The following ITSN2 variants were observed in gnomAD, a reference collection of about 807,000 sequenced individuals.
ITSN2 encodes intersectin-2.
ITSN2 carries 156 observed loss-of-function variants against 243.7 expected under a neutral mutation model. The observed-to-expected ratio is 0.64, with a 90% CI of 0.56 to 0.73. The LOEUF (loss-of-function observed/expected upper bound fraction) is 0.73, where lower values mean the gene tolerates loss of function less well. ITSN2 is among the 30% of genes least tolerant of loss of function. ITSN2 has a pLI of 0.00. For synonymous variants in ITSN2, 703 were observed against 699.9 expected (o/e 1.00, Z -0.07); for missense variants, 1,801 against 1,996.1 (o/e 0.90, Z 1.86).
At chr2:24,264,788 C>T (rs1676452350) in intron 20 of ITSN2, among the ~76,000 whole-genome samples, 1 of 152,338 alleles carries the variant, frequency 6.6e-6, no homozygotes, top group South Asian at 2.1e-4. Flanking sequence ...TGTCTAGATG[C>T]TAATATCACA....
At chr2:24,252,588 C>T (rs1674487318) in intron 24 of ITSN2, 77 bp from the exon 25 acceptor site, 1 of 1,063,112 alleles carries the variant, frequency 9.4e-7, no homozygotes, top group Non-Finnish European at 1.3e-6. Flanking sequence ...GGTTATTCTC[C>T]AAGACATTGT....
Position 24,313,528 on chromosome 2 carries a change from AG to A in ITSN2, c.125-6del. 6.2e-7 allele frequency: 1 copy of A among 1,611,676 alleles called. No individual in the cohort carries two copies. Among genetic ancestry groups the A allele is most frequent in the Non-Finnish European group, 8.5e-7 (1 of 1,178,712 alleles). ...AAAAATTACGTGCTTGATCACCTGG[AG>A]GTAATAAAAACAAAACCCAAGCAGC... On this transcript the variant is annotated splice_region_variant and splice_polypyrimidine_tract_variant and intron_variant, in intron 3 of 39. Coordinates refer to ENST00000355123, the MANE Select transcript of ITSN2 (RefSeq NM_006277.3).
intron 22 of ITSN2, among the ~76,000 whole-genome samples, chr2:24,260,645 C>T (rs149918952): frequency 0.019 from 2,843 of 152,238 alleles, 39 homozygotes; most frequent in Non-Finnish European, 0.03. Context: ...CAGTGGCTCA[C>T]GCCTGTAATC....
intron 4 of ITSN2, among the ~76,000 whole-genome samples, chr2:24,313,063 C>CA (rs1312692137): frequency 1.4e-5 from 2 of 147,756 alleles, no homozygotes; most frequent in African/African-American, 5.0e-5. Context: ...ATTTATTTTC[C>CA]AAAAAACTGA....
Position 24,204,442 on chromosome 2 carries a change from AC to A in ITSN2, c.4763-25del. 6.2e-7 allele frequency: 1 copy of A among 1,606,034 alleles called. No homozygotes were observed. The highest frequency in any genetic ancestry group is 8.5e-7 in the Non-Finnish European group (1 of 1,172,630). ...TCCTGAACAAAAACAAACCACAGAC[AC>A]ATGTGGTGCATGCAGGTAAAACGAA... On this transcript the variant is annotated intron_variant, in intron 38 of 39. Transcript: ENST00000355123. The surrounding 1 kb of genome is among the most constrained non-coding windows in gnomAD (Gnocchi z 5.1).
At chr2:24,241,733 A>G (rs1227504549) in intron 29 of ITSN2, 2 of 152,648 alleles carry the variant, frequency 1.3e-5, no homozygotes, top group Non-Finnish European at 2.9e-5. Flanking sequence ...GATTAGGATT[A>G]GATCAAACAT....
intron 29 of ITSN2, among the ~76,000 whole-genome samples, chr2:24,238,589 A>C (rs1425227949): frequency 6.6e-6 from 1 of 152,214 alleles, no homozygotes; most frequent in African/African-American, 2.4e-5. Context: ...TTAATTTGTA[A>C]GTTCCATCCA....
chr2:24,301,217 T>G lies in ITSN2; in HGVS notation c.1018A>C (p.Ile340Leu). The G allele has an allele frequency of 5.6e-6, 9 of 1,608,060 alleles. No homozygotes were observed. The highest frequency in any genetic ancestry group is 7.6e-6 in the Non-Finnish European group (9 of 1,176,642). The change falls in exon 11 of 40, where the codon ATT (isoleucine) becomes CTT (leucine). Residue 340 changes from isoleucine (I) to leucine (L), a missense_variant. By Grantham distance (5) the Ile-to-Leu change is conservative. Around this residue, in one of 5 missense-constraint regions of ITSN2, gnomAD observed 787 missense variants for 803.9 expected, o/e 0.98. Transcript: ENST00000355123. ...TGATATGAAGGCAGAGTTCCATTAA[T>G]GGAATCAATTTGCTTTCCTCCTCTA... ...SFRGGKQIDS[I>L]NGTLPSYQKM...
At position 24,246,284 on chromosome 2, in the gene ITSN2, T is replaced by C. The variant is rs755428344; in HGVS notation, c.3422A>G (p.Asn1141Ser). 1.9e-6 allele frequency: 3 copies of C among 1,612,194 alleles called. No individual in the cohort carries two copies. The highest frequency in any genetic ancestry group is 3.3e-5 in the Admixed American group (2 of 59,922). ...GGAGAAACTGAGCTCATCTTCATTA[T>C]TTGCTGCATAGTCATACATAGCAAT... The part of the protein sequence containing the change: ...QVIAMYDYAA[N>S]NEDELSFSKG... The change falls in exon 29 of 40, where the codon AAT becomes AGT. Residue 1141 changes from asparagine (N) to serine (S), a missense_variant. By Grantham distance (46) the Asn-to-Ser change is conservative. Transcript: ENST00000355123.
intron 8 of ITSN2, among the ~76,000 whole-genome samples, chr2:24,306,657 T>A (rs1222194874): frequency 1.3e-5 from 2 of 152,180 alleles, no homozygotes; most frequent in Non-Finnish European, 2.9e-5. Flanking sequence ...TCAACTTTTG[T>A]TCAGTTGAAA....
Position 24,312,249 on chromosome 2 carries a change from T to C in ITSN2, c.315A>G (p.Gln105=), listed in dbSNP as rs1683340646. 2.5e-6 allele frequency: 4 copies of C among 1,612,208 alleles called. No individual in the cohort carries two copies. Among genetic ancestry groups the C allele is most frequent in the Admixed American group, 1.7e-5 (1 of 59,826 alleles). The change falls in exon 5 of 40, where the codon CAA becomes CAG. Residue 105 remains glutamine, a synonymous_variant. Coordinates refer to ENST00000355123, the MANE Select transcript of ITSN2 (RefSeq NM_006277.3). ...LPVVLPPIMK[Q]PPMFSPLISA... ...AAATTAATGGAGAAAACATAGGGGG[T>C]TGCTTCATAATAGGAGGGAGAACCA...
chr2:24,301,310 C>T, intron 10 of ITSN2, 71 bp from the exon 11 acceptor site: 3 of 826,620 alleles, frequency 3.6e-6, no homozygotes, highest in Non-Finnish European at 5.9e-6. Flanking sequence ...CACAGACTAC[C>T]AGTGATTATG....
In ITSN2 at chr2:24,302,073, T is replaced by C. The variant is rs1328779225; in HGVS notation, c.887A>G (p.Gln296Arg). The stretch of plus-strand genomic sequence containing the variant: ...AAGAATAAACTCTTCTGCTTTTAGC[T>C]GTCCATCACCATCAACGTCAGCCAG... ...WTLADVDGDGQLKAEEFILAM... is the reference protein window; with the variant it reads ...WTLADVDGDGRLKAEEFILAM... Residue 296 changes from glutamine (Q) to arginine (R), a missense_variant, in exon 10 of 40, where the codon CAG becomes CGG. Around this residue, in one of 5 missense-constraint regions of ITSN2, gnomAD observed 787 missense variants for 803.9 expected, o/e 0.98. Coordinates refer to ENST00000355123, the MANE Select transcript of ITSN2 (RefSeq NM_006277.3). 1.9e-6 allele frequency: 3 copies of C among 1,610,936 alleles called. No individual in the cohort carries two copies. Among genetic ancestry groups the C allele is most frequent in the Admixed American group, 1.7e-5 (1 of 59,726 alleles).
intron 1 of ITSN2, among the ~76,000 whole-genome samples, chr2:24,348,569 C>G (rs941009745): frequency 2.0e-5 from 3 of 152,074 alleles, no homozygotes; most frequent in African/African-American, 7.2e-5. Flanking sequence ...ACTGAAATTA[C>G]CATTTCATCT....
chr2:24,209,858 A>T lies in ITSN2; in HGVS notation c.4433T>A (p.Phe1478Tyr). 1 of 1,614,190 alleles carries T rather than the reference A, an allele frequency of 6.2e-7. No homozygotes were observed. The highest frequency in any genetic ancestry group is 8.5e-7 in the Non-Finnish European group (1 of 1,180,000). The part of the protein sequence containing the change: ...FAVSSGSEKL[F>Y]SSKSNAQFKM... ...GAATTGAGCATTGGACTTCGAGCTGAAAAGTTTCTCAGAGCCAGAGGAAAC... is the reference window on the plus strand; with the variant it reads ...GAATTGAGCATTGGACTTCGAGCTGTAAAGTTTCTCAGAGCCAGAGGAAAC... The change falls in exon 35 of 40, where the codon TTC (phenylalanine) becomes TAC (tyrosine). Residue 1478 changes from phenylalanine (F) to tyrosine (Y), a missense_variant. Physicochemically the swap from Phe to Tyr is conservative, Grantham distance 22. Around this residue, in one of 5 missense-constraint regions of ITSN2, gnomAD observed 928 missense variants for 1,065.4 expected, o/e 0.87. Coordinates refer to ENST00000355123, the MANE Select transcript of ITSN2 (RefSeq NM_006277.3).
Position 24,310,701 on chromosome 2 carries a change from A to T in ITSN2, c.353-9T>A. On this transcript the variant is annotated splice_polypyrimidine_tract_variant and intron_variant, in intron 5 of 39. Transcript: ENST00000355123. ...GGGCATGCTTCCCATTCCTAAAGTCAAAAGAAAACATTTTTTCCAGTGCTA... is the reference window on the plus strand; with the variant it reads ...GGGCATGCTTCCCATTCCTAAAGTCTAAAGAAAACATTTTTTCCAGTGCTA... 6.2e-7 allele frequency: 1 copy of T among 1,611,754 alleles called. No homozygotes were observed. Among genetic ancestry groups the T allele is most frequent in the Non-Finnish European group, 8.5e-7 (1 of 1,178,198 alleles).
At position 24,252,409 on chromosome 2, in the gene ITSN2, G is replaced by T; in HGVS notation, c.3056C>A (p.Thr1019Lys). The T allele has an allele frequency of 6.2e-7, 1 of 1,612,714 alleles. No individual in the cohort carries two copies. Among genetic ancestry groups the T allele is most frequent in the Non-Finnish European group, 8.5e-7 (1 of 1,178,980 alleles). ...TCCACTTCTATCTCCAATACTTCCT[G>T]TCCACCACTCTCCATCTTTCTGGGT... ...LVTQKDGEWW[T>K]GSIGDRSGIF... Residue 1019 changes from threonine to lysine, a missense_variant, in exon 25 of 40, where the codon ACA becomes AAA. By Grantham distance (78) the Thr-to-Lys change is moderately conservative. Around this residue, in one of 5 missense-constraint regions of ITSN2, gnomAD observed 928 missense variants for 1,065.4 expected, o/e 0.87. Transcript: ENST00000355123.
At chr2:24,267,672 A>G (rs1676835250) in intron 20 of ITSN2, among the ~76,000 whole-genome samples, 1 of 152,128 alleles carries the variant, frequency 6.6e-6, no homozygotes, top group Non-Finnish European at 1.5e-5. Flanking sequence ...CTGCCACCTC[A>G]GTCTCCACAG....
chr2:24,246,793 A>G lies in ITSN2; in HGVS notation c.3385+4T>C, dbSNP rs1375530089. On this transcript the variant is annotated splice_donor_region_variant and intron_variant, in intron 28 of 39. Transcript: ENST00000355123. ...ATGAAATACAAATTAACCCACTTCC[A>G]TACCAGGATGAAAGGCAGGTGTGGC... The G allele has an allele frequency of 6.4e-7, 1 of 1,563,802 alleles. No individual in the cohort carries two copies. The highest frequency in any genetic ancestry group is 1.7e-5 in the Admixed American group (1 of 58,710).
Sources: gnomAD v4.1 joint callset for allele counts (sites outside exome capture counted in the v4.1 genomes callset) on GRCh38, gnomAD v4.1.1 for gene constraint, gnomAD v4.1.1 regional missense constraint, Gnocchi (gnomAD v3.1) non-coding constraint, MANE v1.5 for transcripts, NCBI Gene and HGNC (gene_info 2026-07-23, HGNC 2026-07-21) for gene names.